NHS: variants seen among roughly 807,000 people sequenced by gnomAD.
NHS encodes the protein NHS actin remodeling regulator.
A neutral mutation model predicts 72.5 loss-of-function variants in NHS; 5 were observed. That is an observed-to-expected ratio of 0.07 (90% CI 0.04 to 0.14). The LOEUF (loss-of-function observed/expected upper bound fraction) is 0.14. Among genes scored for constraint, NHS ranks in the 10% least tolerant of loss-of-function variants. NHS has a pLI of 1.00. For synonymous variants in NHS, 464 were observed against 547.7 expected (o/e 0.85, Z 2.13); for missense variants, 1,072 against 1,355.7 (o/e 0.79, Z 3.29).
chrX:17,410,547 A>G (rs755734076), intron 1 of NHS, among the ~76,000 whole-genome samples: 1 of 93,645 alleles, frequency 1.1e-5, no homozygotes, highest in African/African-American at 4.1e-5. Context: ...TCCAGACCTT[A>G]GAACACCAGT....
rs58710651 is a variant in NHS at position 17,447,785 on chromosome X, G to GCACACACA, written c.565+71490_565+71497dup. On this transcript the variant is annotated intron_variant, in intron 1 of 8. Transcript: ENST00000676302. ...CACACACACACACGCACACACACAC[G>GCACACACA]CACACACACACACACACACACACAC... Among the ~76,000 whole-genome samples the GCACACACA allele has an allele frequency of 2.6e-3, 235 of 89,667 alleles. 1 individual carries two copies. The highest frequency in any genetic ancestry group is 8.8e-3 in the African/African-American group (221 of 25,185). 77.9% of individuals were successfully genotyped at this position (89,667 alleles called of 115,157 possible).
intron 1 of NHS, among the ~76,000 whole-genome samples, chrX:17,638,765 G>C (rs1033303379): frequency 8.9e-6 from 1 of 112,335 alleles, no homozygotes; most frequent in Admixed American, 9.4e-5. Context: ...TCAATCCATG[G>C]TTGCTATGGA....
At chrX:17,481,650 A>T (rs1297682102) in intron 1 of NHS, among the ~76,000 whole-genome samples, 6 of 111,742 alleles carry the variant, frequency 5.4e-5, no homozygotes, top group East Asian at 2.8e-4. Context: ...GGGAAGATTT[A>T]AAAAAATCAC....
chrX:17,568,647 G>GTTGTTATTATTA (rs1556010055), intron 1 of NHS, among the ~76,000 whole-genome samples: 2 of 92,122 alleles, frequency 2.2e-5, no homozygotes, highest in East Asian at 6.9e-4. Flanking sequence ...AGGTTACTTA[G>GTTGTTATTATTA]TTATTATTAT....
At position 17,375,650 on chromosome X, in the gene NHS, G is replaced by C; in HGVS notation, c.-108G>C. The C allele has an allele frequency of 3.6e-6, 3 of 834,965 alleles. No homozygotes were observed. The highest frequency in any genetic ancestry group is 2.3e-5 in the South Asian group (1 of 43,518). 68.8% of individuals were successfully genotyped at this position (834,965 alleles called of 1,213,427 possible). A position where few individuals can be genotyped will look rare whatever the true frequency, so the allele number is the denominator to read the frequency against. On this transcript the variant is annotated 5_prime_UTR_variant, in exon 1 of 9. Coordinates refer to ENST00000676302, the MANE Select transcript of NHS (RefSeq NM_001291867.2). ...CCCTGCGTATCCGGACTGCCAGATC[G>C]CGCTTTTGCCGGACTCCTGCCCCCT...
intron 1 of NHS, chrX:17,587,084 A>C (rs941958028): frequency 1.8e-5 from 2 of 112,523 alleles, no homozygotes. Context: ...CCATTGATTA[A>C]TTAATTTATG....
intron 1 of NHS, among the ~76,000 whole-genome samples, chrX:17,399,258 C>A (rs1417809556): frequency 9.0e-6 from 1 of 110,903 alleles, no homozygotes; most frequent in Non-Finnish European, 1.9e-5. Context: ...CACACCACCA[C>A]GGCTGGCTAA....
At chrX:17,445,652 A>C (rs995122012) in intron 1 of NHS, among the ~76,000 whole-genome samples, 1 of 108,782 alleles carries the variant, frequency 9.2e-6, no homozygotes, top group Non-Finnish European at 1.9e-5. Context: ...ACAGAATTTT[A>C]AAAATAAAGA....
intron 1 of NHS, among the ~76,000 whole-genome samples, chrX:17,646,184 C>A (rs1459549245): frequency 8.9e-6 from 1 of 111,824 alleles, no homozygotes; most frequent in Admixed American, 9.4e-5. Flanking sequence ...TCAAATAATT[C>A]TCCTGCCTCA....
chrX:17,457,394 T>C (rs2064829707), intron 1 of NHS, among the ~76,000 whole-genome samples: 1 of 111,049 alleles, frequency 9.0e-6, no homozygotes, highest in African/African-American at 3.3e-5. Flanking sequence ...GGGAGTCACC[T>C]GGCATCACAT....
At chrX:17,538,370 T>C (rs768067614) in intron 1 of NHS, among the ~76,000 whole-genome samples, 2 of 111,410 alleles carry the variant, frequency 1.8e-5, no homozygotes, top group Non-Finnish European at 3.8e-5. Flanking sequence ...GGTTAGGGCC[T>C]GGAGAGGTAA....
chrX:17,574,837 A>C (rs2065501201), intron 1 of NHS, among the ~76,000 whole-genome samples: 1 of 110,859 alleles, frequency 9.0e-6, no homozygotes, highest in African/African-American at 3.3e-5. Flanking sequence ...CTTGGAACCA[A>C]CCTCCCTGTT....
intron 1 of NHS, among the ~76,000 whole-genome samples, chrX:17,606,551 C>G (rs769565874): frequency 8.9e-6 from 1 of 112,027 alleles, no homozygotes; most frequent in African/African-American, 3.2e-5. Context: ...AAAAATGACC[C>G]TGTTGATTTA....
At chrX:17,704,296 T>TA (rs1193344167) in intron 3 of NHS, among the ~76,000 whole-genome samples, 1 of 107,864 alleles carries the variant, frequency 9.3e-6, no homozygotes, top group African/African-American at 3.4e-5. Context: ...ATTTAAAAAT[T>TA]AAAAAAAAAT....
intron 3 of NHS, among the ~76,000 whole-genome samples, chrX:17,703,721 T>G (rs141104839): frequency 0.013 from 1,499 of 112,648 alleles, 18 homozygotes; most frequent in African/African-American, 0.046. Flanking sequence ...TTCAAGATAC[T>G]GAGGACAATC....
intron 1 of NHS, among the ~76,000 whole-genome samples, chrX:17,650,578 T>C (rs1041700464): frequency 8.9e-6 from 1 of 112,295 alleles, no homozygotes; most frequent in African/African-American, 3.2e-5. Context: ...TCCCACCTCA[T>C]GATGGGAAAG....
intron 1 of NHS, among the ~76,000 whole-genome samples, chrX:17,575,312 C>G (rs773185220): frequency 1.4e-4 from 16 of 113,226 alleles, no homozygotes; most frequent in Non-Finnish European, 2.8e-4. Context: ...TCCCACCGGT[C>G]CAGCTTCATG....
chrX:17,389,848 CGCCTCG>C (rs1569244188), intron 1 of NHS, among the ~76,000 whole-genome samples: 1 of 110,194 alleles, frequency 9.1e-6, no homozygotes, highest in African/African-American at 3.3e-5. Context: ...GTGATCTGCC[CGCCTCG>C]GCCTCCCAAA....
At chrX:17,608,073 C>T (rs1307901317) in intron 1 of NHS, among the ~76,000 whole-genome samples, 1 of 108,875 alleles carries the variant, frequency 9.2e-6, no homozygotes, top group Non-Finnish European at 1.9e-5. Flanking sequence ...CGCTACCATG[C>T]CCAGCTAATT....
Sources: gnomAD v4.1 joint callset for allele counts (sites outside exome capture counted in the v4.1 genomes callset) on GRCh38, gnomAD v4.1.1 for gene constraint, MANE v1.5 for transcripts, NCBI Gene and HGNC (gene_info 2026-07-23, HGNC 2026-07-21) for gene names.